The following SLIT2 variants were observed in gnomAD, a reference collection of about 807,000 sequenced individuals.
The protein encoded by SLIT2 is slit homolog 2 protein.
Under a neutral mutation model 185.7 loss-of-function variants are expected in SLIT2, and 41 were observed. That is an observed-to-expected ratio of 0.22 (90% CI 0.17 to 0.29). The LOEUF is 0.29. Ranked by LOEUF, SLIT2 falls within the 10% of genes least tolerant of loss-of-function variation. The pLI, the probability that SLIT2 is intolerant of heterozygous loss-of-function variation, is 1.00. For synonymous variants in SLIT2, 693 were observed against 680.2 expected (o/e 1.02, Z -0.29); for missense variants, 1,571 against 1,909.0 (o/e 0.82, Z 3.30).
intron 9 of SLIT2, among the ~76,000 whole-genome samples, chr4:20,495,000 A>G (rs577390938): frequency 1.2e-4 from 18 of 152,278 alleles, no homozygotes; most frequent in African/African-American, 4.1e-4. Flanking sequence ...AGAGACTTCT[A>G]GGAAAAATGA....
chr4:20,394,702 C>T (rs577211714), intron 4 of SLIT2: 16 of 152,148 alleles, frequency 1.1e-4, no homozygotes, highest in Non-Finnish European at 2.1e-4. Context: ...ACTGTCAGCA[C>T]GCTGCACTGT....
At chr4:20,395,810 A>T (rs1333641838) in intron 4 of SLIT2, among the ~76,000 whole-genome samples, 2 of 151,964 alleles carry the variant, frequency 1.3e-5, no homozygotes, top group Non-Finnish European at 2.9e-5. Context: ...TTATTAAAAC[A>T]CAAGTATTGA....
At chr4:20,424,627 C>A (rs550584849) in intron 4 of SLIT2, among the ~76,000 whole-genome samples, 1 of 152,152 alleles carries the variant, frequency 6.6e-6, no homozygotes, top group South Asian at 2.1e-4. Flanking sequence ...AATCTATTTT[C>A]TAGTTGAAAT....
chr4:20,258,981 C>A (rs1475191615), intron 3 of SLIT2, among the ~76,000 whole-genome samples: 1 of 151,466 alleles, frequency 6.6e-6, no homozygotes, highest in African/African-American at 2.4e-5. Flanking sequence ...ATGGTTTGTC[C>A]CCTTCCAAGA....
At chr4:20,263,707 A>G (rs981241804) in intron 3 of SLIT2, among the ~76,000 whole-genome samples, 16 of 151,822 alleles carry the variant, frequency 1.1e-4, no homozygotes, top group African/African-American at 3.9e-4. Flanking sequence ...CAAAACTTCA[A>G]TTTCCTCATC....
chr4:20,549,009 C>A, intron 23 of SLIT2, 48 bp from the exon 24 acceptor site: 1 of 1,089,206 alleles, frequency 9.2e-7, no homozygotes, highest in South Asian at 1.3e-5. Flanking sequence ...AGTATTTGGC[C>A]ATTTTTGGAT....
rs1720699540 is a variant in SLIT2 at position 20,520,049 on chromosome 4, A to AC, written c.1130+596_1130+597insC. Among the ~76,000 whole-genome samples the AC allele has an allele frequency of 1.3e-5, 2 of 151,548 alleles. 1 individual carries two copies. The highest frequency in any genetic ancestry group is 4.2e-4 in the South Asian group (2 of 4,814). ...ACTCCGTCTCAAAAAAAAAAAAAAA[A>AC]AAAAAAAAAGATATGGTGATATACT... On this transcript the variant is annotated intron_variant, in intron 12 of 36. Transcript: ENST00000504154.
At chr4:20,445,717 C>T (rs919662223) in intron 4 of SLIT2, among the ~76,000 whole-genome samples, 1 of 152,160 alleles carries the variant, frequency 6.6e-6, no homozygotes, top group Non-Finnish European at 1.5e-5. Flanking sequence ...TCTAAGCTCT[C>T]TTTTTTCTCT....
At chr4:20,255,481 A>G (rs1458117973) in intron 1 of SLIT2, among the ~76,000 whole-genome samples, 7 of 152,156 alleles carry the variant, frequency 4.6e-5, no homozygotes, top group Admixed American at 4.6e-4. Flanking sequence ...GATTCGTGTT[A>G]TATCGAATAG....
intron 4 of SLIT2, among the ~76,000 whole-genome samples, chr4:20,323,183 T>G (rs1033767338): frequency 2.2e-5 from 3 of 139,092 alleles, no homozygotes; most frequent in Non-Finnish European, 4.8e-5. Context: ...GTTCCTTTTG[T>G]AAATAATTTC....
At chr4:20,325,049 T>G (rs1034577868) in intron 4 of SLIT2, among the ~76,000 whole-genome samples, 28 of 151,990 alleles carry the variant, frequency 1.8e-4, no homozygotes, top group African/African-American at 4.1e-4. Context: ...TTCCTCCTTC[T>G]CTCCCTTTCC....
intron 4 of SLIT2, among the ~76,000 whole-genome samples, chr4:20,294,079 G>T: frequency 6.6e-6 from 1 of 151,980 alleles, no homozygotes; most frequent in Non-Finnish European, 1.5e-5. Flanking sequence ...TGGGTGTGGT[G>T]GCTCATGCCT....
intron 4 of SLIT2, among the ~76,000 whole-genome samples, chr4:20,272,420 C>T (rs1713724223): frequency 2.0e-5 from 3 of 152,112 alleles, no homozygotes; most frequent in African/African-American, 7.2e-5. Context: ...AGCTGGTTAA[C>T]TGAAGAAGAG....
intron 3 of SLIT2, among the ~76,000 whole-genome samples, chr4:20,262,164 C>T (rs1381683775): frequency 6.6e-6 from 1 of 151,710 alleles, no homozygotes; most frequent in East Asian, 1.9e-4. Flanking sequence ...TACAGTGGAG[C>T]CTACATTTGA....
intron 4 of SLIT2, among the ~76,000 whole-genome samples, chr4:20,302,183 A>T (rs1269950083): frequency 6.6e-6 from 1 of 152,208 alleles, no homozygotes; most frequent in African/African-American, 2.4e-5. Flanking sequence ...TCATGTTCGA[A>T]TCTATTCTTT....
Position 20,448,224 on chromosome 4 carries a change from A to C in SLIT2, c.396-19528A>C, listed in dbSNP as rs189620877. Among the ~76,000 whole-genome samples the C allele has an allele frequency of 3.3e-5, 5 of 152,292 alleles. No homozygotes were observed. The East Asian group carries it at 9.6e-4, about 29-fold the overall frequency. ...TAGTTTAAAGGTACTAAATATACTG[A>C]TTGTGTGTTTAAAAGCCTGCACTTT... On this transcript the variant is annotated intron_variant, in intron 4 of 36. Transcript: ENST00000504154.
intron 25 of SLIT2, chr4:20,552,466 G>A (rs1018662667): frequency 6.7e-6 from 1 of 149,270 alleles, no homozygotes; most frequent in Non-Finnish European, 1.5e-5. Flanking sequence ...GTTTGTTTGT[G>A]CCTTGTCTTT....
intron 4 of SLIT2, among the ~76,000 whole-genome samples, chr4:20,357,500 A>G (rs1001429024): frequency 6.6e-6 from 1 of 152,128 alleles, no homozygotes; most frequent in East Asian, 1.9e-4. Context: ...GGAGTATAAG[A>G]TGGGGATATC....
intron 33 of SLIT2, among the ~76,000 whole-genome samples, chr4:20,599,080 G>T (rs1238655367): frequency 6.6e-6 from 1 of 152,120 alleles, no homozygotes; most frequent in African/African-American, 2.4e-5. Context: ...CCTGTCCTGA[G>T]CTTTAAGGAA....
Sources: gnomAD v4.1 joint callset for allele counts (sites outside exome capture counted in the v4.1 genomes callset) on GRCh38, gnomAD v4.1.1 for gene constraint, MANE v1.5 for transcripts, NCBI Gene and HGNC (gene_info 2026-07-23, HGNC 2026-07-21) for gene names.